LSAMP: variants seen among roughly 807,000 people sequenced by gnomAD.
The protein encoded by LSAMP is limbic system associated membrane protein.
A neutral mutation model predicts 38.6 loss-of-function variants in LSAMP; 7 were observed. The ratio of observed to expected loss-of-function variants is 0.18; its 90% CI spans 0.10 to 0.34. The LOEUF is 0.34. Among genes scored for constraint, LSAMP ranks in the 10% least tolerant of loss-of-function variants. LSAMP has a pLI of 1.00. For missense variants in LSAMP, 313 were observed against 420.0 expected (o/e 0.75, Z 2.23); for synonymous variants, 154 against 166.8 (o/e 0.92, Z 0.59).
At chr3:116,149,715 C>T (rs890788221) in intron 1 of LSAMP, among the ~76,000 whole-genome samples, 1 of 151,946 alleles carries the variant, frequency 6.6e-6, no homozygotes, top group Non-Finnish European at 1.5e-5. Flanking sequence ...TGAATATGTA[C>T]TGTTACTCCG....
chr3:116,290,547 T>C (rs2047250403), intron 1 of LSAMP, among the ~76,000 whole-genome samples: 1 of 151,874 alleles, frequency 6.6e-6, no homozygotes, highest in East Asian at 1.9e-4. Context: ...CTGACCAACA[T>C]GGTAAAACCC....
intron 3 of LSAMP, among the ~76,000 whole-genome samples, chr3:115,906,723 C>T (rs114964077): frequency 4.3e-4 from 66 of 152,238 alleles, no homozygotes; most frequent in African/African-American, 1.5e-3. Flanking sequence ...CAGTTTTTGG[C>T]ACACAGCAGG....
intron 1 of LSAMP, among the ~76,000 whole-genome samples, chr3:116,422,638 T>C (rs1390895817): frequency 6.6e-6 from 1 of 152,206 alleles, no homozygotes; most frequent in Non-Finnish European, 1.5e-5. Flanking sequence ...TTGGGAATGA[T>C]GAAAGTATTC....
At chr3:115,878,717 C>T (rs1258751279) in intron 3 of LSAMP, among the ~76,000 whole-genome samples, 1 of 152,038 alleles carries the variant, frequency 6.6e-6, no homozygotes, top group Non-Finnish European at 1.5e-5. Context: ...CTGCCTCAGC[C>T]TCCCAAAGTG....
intron 1 of LSAMP, among the ~76,000 whole-genome samples, chr3:116,331,875 C>G (rs1403553158): frequency 1.3e-5 from 2 of 151,970 alleles, no homozygotes; most frequent in Admixed American, 1.3e-4. Flanking sequence ...GGGCCTCATT[C>G]TGTTGCCAAG....
At chr3:115,822,049 C>T (rs1029267331) in intron 6 of LSAMP, among the ~76,000 whole-genome samples, 9 of 152,186 alleles carry the variant, frequency 5.9e-5, no homozygotes, top group South Asian at 2.1e-4. Context: ...TTTCTTCACT[C>T]AGAGGCTTTA....
At chr3:116,040,942 G>A (rs2107716800) in intron 2 of LSAMP, among the ~76,000 whole-genome samples, 1 of 151,952 alleles carries the variant, frequency 6.6e-6, no homozygotes, top group Middle Eastern at 3.4e-3. Context: ...TACTTTTTTG[G>A]AGACAGGGTC....
intron 1 of LSAMP, among the ~76,000 whole-genome samples, chr3:116,209,624 G>A (rs983126339): frequency 1.6e-4 from 25 of 152,244 alleles, no homozygotes; most frequent in South Asian, 8.3e-4. Context: ...CTTTGATGTC[G>A]GAGAAGTAAG....
intron 1 of LSAMP, among the ~76,000 whole-genome samples, chr3:116,228,139 G>A (rs1472915556): frequency 6.6e-6 from 1 of 151,926 alleles, no homozygotes; most frequent in African/African-American, 2.4e-5. Flanking sequence ...GTCCTTATGT[G>A]GTCCACAATT....
chr3:116,429,982 A>G (rs538270384), intron 1 of LSAMP, among the ~76,000 whole-genome samples: 1 of 152,382 alleles, frequency 6.6e-6, no homozygotes, highest in East Asian at 1.9e-4. Flanking sequence ...ACTGTAGTGT[A>G]GACTTCAGGC....
chr3:116,423,295 G>C (rs1307364676), intron 1 of LSAMP, among the ~76,000 whole-genome samples: 1 of 152,148 alleles, frequency 6.6e-6, no homozygotes, highest in Non-Finnish European at 1.5e-5. Flanking sequence ...CCTCAGATCA[G>C]GCATCTGAGA....
intron 3 of LSAMP, among the ~76,000 whole-genome samples, chr3:115,879,802 G>A (rs1375590229): frequency 1.3e-5 from 2 of 152,264 alleles, no homozygotes; most frequent in African/African-American, 4.8e-5. Context: ...AGAGCCATGG[G>A]ATATAAGCCC....
chr3:116,152,525 G>C (rs535299437), intron 1 of LSAMP, among the ~76,000 whole-genome samples: 5 of 152,108 alleles, frequency 3.3e-5, no homozygotes, highest in Non-Finnish European at 2.9e-5. Context: ...AATTGAGCTT[G>C]TATAATTTAG....
chr3:116,145,105 G>A (rs1008811490), intron 1 of LSAMP, among the ~76,000 whole-genome samples: 2 of 151,610 alleles, frequency 1.3e-5, no homozygotes, highest in African/African-American at 4.8e-5. Context: ...TCTACAAGGT[G>A]GCTTTGTGGA....
At position 115,808,950 on chromosome 3, in the gene LSAMP, G is replaced by A. The variant is rs1434653139; in HGVS notation, c.*1367C>T. 1 of 152,098 alleles carries A rather than the reference G, an allele frequency of 6.6e-6. No homozygotes were observed. Among genetic ancestry groups the A allele is most frequent in the African/African-American group, 2.4e-5 (1 of 41,394 alleles). 9.4% of individuals were successfully genotyped at this position (152,098 alleles called of 1,614,324 possible). The stretch of plus-strand genomic sequence containing the variant: ...CAATCTCTGCTCAGGGGAATTCATG[G>A]GACAAATGTTATTTAAGATTAGGGA... On this transcript the variant is annotated 3_prime_UTR_variant, in exon 7 of 7. Transcript: ENST00000490035.
intron 3 of LSAMP, among the ~76,000 whole-genome samples, chr3:115,952,144 A>G (rs1938311897): frequency 6.6e-6 from 1 of 152,212 alleles, no homozygotes; most frequent in South Asian, 2.1e-4. Flanking sequence ...TAATCACAAC[A>G]GAAAACAGTA....
chr3:115,987,431 G>T (rs115228469), intron 3 of LSAMP, among the ~76,000 whole-genome samples: 1 of 152,242 alleles, frequency 6.6e-6, no homozygotes, highest in African/African-American at 2.4e-5. Context: ...ATGTAAAGGA[G>T]GAATACACTT....
At chr3:116,359,973 CA>C (rs1464603148) in intron 1 of LSAMP, 1 of 152,512 alleles carries the variant, frequency 6.6e-6, no homozygotes, top group African/African-American at 2.4e-5. Context: ...CAAAAATTGA[CA>C]AATGGGATCT....
At chr3:115,961,433 G>A (rs1050553622) in intron 3 of LSAMP, among the ~76,000 whole-genome samples, 9 of 152,158 alleles carry the variant, frequency 5.9e-5, no homozygotes, top group South Asian at 2.1e-4. Flanking sequence ...CAAGAAGCAC[G>A]AAGAAAAGCA....
Sources: gnomAD v4.1 joint callset for allele counts (sites outside exome capture counted in the v4.1 genomes callset) on GRCh38, gnomAD v4.1.1 for gene constraint, MANE v1.5 for transcripts, NCBI Gene and HGNC (gene_info 2026-07-23, HGNC 2026-07-21) for gene names.